Variants in KCNIP1 observed in about 807,000 individuals in gnomAD.
KCNIP1 encodes the protein potassium voltage-gated channel interacting protein 1, also known as A-type potassium channel modulatory protein KCNIP1.
A neutral mutation model predicts 33.0 loss-of-function variants in KCNIP1; 18 were observed. The ratio of observed to expected loss-of-function variants is 0.55; its 90% CI spans 0.38 to 0.81. The LOEUF (loss-of-function observed/expected upper bound fraction) is 0.81, where lower values mean the gene tolerates loss of function less well. KCNIP1 is among the 30% of genes least tolerant of loss of function. KCNIP1 has a pLI of 0.00. For synonymous variants in KCNIP1, 93 were observed against 98.3 expected, an observed-to-expected ratio of 0.95 and a Z score of 0.32; for missense variants, 238 against 271.6, an observed-to-expected ratio of 0.88 and a Z score of 0.87.
intron 1 of KCNIP1, among the ~76,000 whole-genome samples, chr5:170,444,966 A>C (rs1010412260): frequency 5.9e-5 from 9 of 152,206 alleles, no homozygotes; most frequent in African/African-American, 2.2e-4. Flanking sequence ...AGTCCACACA[A>C]ACCCTCGCTT....
At chr5:170,463,894 C>A (rs1021786785) in intron 1 of KCNIP1, among the ~76,000 whole-genome samples, 1 of 152,082 alleles carries the variant, frequency 6.6e-6, no homozygotes, top group Non-Finnish European at 1.5e-5. Flanking sequence ...CCGGATGATA[C>A]CACCTTATAT....
intron 1 of KCNIP1, chr5:170,483,122 C>G: frequency 2.2e-6 from 1 of 449,422 alleles, no homozygotes; most frequent in Non-Finnish European, 4.5e-6. Flanking sequence ...CGTGTGTGCA[C>G]CTGCAGGCTG....
At chr5:170,623,158 G>C (rs2113648358) in intron 1 of KCNIP1, among the ~76,000 whole-genome samples, 1 of 152,248 alleles carries the variant, frequency 6.6e-6, no homozygotes, top group African/African-American at 2.4e-5. Context: ...TGCAGCCGGG[G>C]TCCTAACAGG....
chr5:170,693,196 G>T (rs781777919), intron 1 of KCNIP1, among the ~76,000 whole-genome samples: 2 of 152,024 alleles, frequency 1.3e-5, no homozygotes, highest in Non-Finnish European at 2.9e-5. Flanking sequence ...ACCCCCTCCC[G>T]CTGGTCAGTG....
Position 170,706,583 on chromosome 5 carries a change from T to C in KCNIP1, c.62-12175T>C, listed in dbSNP as rs1581525536. Among the ~76,000 whole-genome samples, 4 of 152,344 alleles carry C rather than the reference T, an allele frequency of 2.6e-5. No homozygotes were observed. In the South Asian group the frequency reaches 8.3e-4, roughly 32 times the overall value. ...TTATCTGCAGAGCAATGAACTCCTC[T>C]TCTTCAGAAAGCAGGCTGAAAGATA... On this transcript the variant is annotated intron_variant, in intron 1 of 7. Coordinates refer to ENST00000328939, the MANE Select transcript of KCNIP1 (RefSeq NM_014592.4).
At chr5:170,402,467 C>T (rs949156552) in intron 1 of KCNIP1, among the ~76,000 whole-genome samples, 4 of 152,138 alleles carry the variant, frequency 2.6e-5, no homozygotes, top group African/African-American at 9.7e-5. Flanking sequence ...GGGAGGCTGT[C>T]CTCTAGGTGG....
intron 1 of KCNIP1, among the ~76,000 whole-genome samples, chr5:170,643,258 C>T (rs1239681638): frequency 6.6e-6 from 1 of 152,230 alleles, no homozygotes; most frequent in Non-Finnish European, 1.5e-5. Flanking sequence ...TGTGAGCTTC[C>T]CCAGGAAACC....
intron 1 of KCNIP1, among the ~76,000 whole-genome samples, chr5:170,432,104 G>A (rs540212074): frequency 3.3e-5 from 5 of 150,946 alleles, no homozygotes; most frequent in Admixed American, 2.0e-4. Flanking sequence ...GCAAGTTGCT[G>A]GTTTCTCTTT....
At position 170,720,261 on chromosome 5, in the gene KCNIP1, C is replaced by T. The variant is rs150056233; in HGVS notation, c.187-60C>T. 2.8e-5 allele frequency: 35 copies of T among 1,228,608 alleles called. No homozygotes were observed. The African/African-American group carries it at 3.9e-4, about 14-fold the overall frequency. 76.1% of individuals were successfully genotyped at this position (1,228,608 alleles called of 1,614,324 possible). A position where few individuals can be genotyped will look rare whatever the true frequency, so the allele number is the denominator to read the frequency against. ...GAACCCCAGACACCAAGGCTGGGCCCAGTCTTCTCCTAGTGCTGGCCCTCA... is the reference window on the plus strand; with the variant it reads ...GAACCCCAGACACCAAGGCTGGGCCTAGTCTTCTCCTAGTGCTGGCCCTCA... On this transcript the variant is annotated intron_variant, in intron 2 of 7. Coordinates refer to ENST00000328939, the MANE Select transcript of KCNIP1 (RefSeq NM_014592.4).
At chr5:170,438,845 G>A (rs1755925018) in intron 1 of KCNIP1, among the ~76,000 whole-genome samples, 1 of 152,148 alleles carries the variant, frequency 6.6e-6, no homozygotes, top group Non-Finnish European at 1.5e-5. Context: ...GGAGCACCCT[G>A]TACCGAGCGG....
At chr5:170,682,794 T>TC (rs1227231157) in intron 1 of KCNIP1, among the ~76,000 whole-genome samples, 5 of 134,148 alleles carry the variant, frequency 3.7e-5, no homozygotes, top group Admixed American at 2.3e-4. Context: ...CTTTTTTTTT[T>TC]TTTTTTTTTT....
intron 1 of KCNIP1, among the ~76,000 whole-genome samples, chr5:170,390,514 ACAAAT>A (rs1325469900): frequency 5.3e-5 from 4 of 75,178 alleles, no homozygotes; most frequent in South Asian, 4.7e-4. Flanking sequence ...AAAAAAAAAA[ACAAAT>A]ATATATATAT....
chr5:170,414,604 T>G (rs2113413309), intron 1 of KCNIP1, among the ~76,000 whole-genome samples: 1 of 152,358 alleles, frequency 6.6e-6, no homozygotes, highest in South Asian at 2.1e-4. Context: ...GCTGCCCAAT[T>G]CAAAATCATT....
intron 1 of KCNIP1, among the ~76,000 whole-genome samples, chr5:170,701,307 T>C (rs1763092541): frequency 6.6e-6 from 1 of 152,184 alleles, no homozygotes; most frequent in Non-Finnish European, 1.5e-5. Flanking sequence ...CTGATCCAAC[T>C]TAAGCTTTAT....
At chr5:170,516,607 G>A (rs1476589738) in intron 1 of KCNIP1, among the ~76,000 whole-genome samples, 1 of 152,238 alleles carries the variant, frequency 6.6e-6, no homozygotes, top group Non-Finnish European at 1.5e-5. Flanking sequence ...GAACATCAAA[G>A]ATTGTGGCTT....
intron 1 of KCNIP1, among the ~76,000 whole-genome samples, chr5:170,631,545 T>C (rs1760051192): frequency 6.6e-6 from 1 of 152,234 alleles, no homozygotes; most frequent in African/African-American, 2.4e-5. Flanking sequence ...AATGGAATTT[T>C]AGAAACACAC....
chr5:170,568,186 C>T (rs905268698), intron 1 of KCNIP1, among the ~76,000 whole-genome samples: 2 of 152,168 alleles, frequency 1.3e-5, no homozygotes, highest in Non-Finnish European at 2.9e-5. Context: ...ATTGCTGGAA[C>T]ATAATTCCCT....
At chr5:170,642,331 A>G (rs530109021) in intron 1 of KCNIP1, among the ~76,000 whole-genome samples, 2 of 152,134 alleles carry the variant, frequency 1.3e-5, no homozygotes, top group Admixed American at 1.3e-4. Context: ...AAGGCAAAGG[A>G]GAGGGAGTTG....
chr5:170,382,940 CAAGG>C (rs60329523), intron 1 of KCNIP1: 36,070 of 130,888 alleles, frequency 0.28, 4,563 homozygotes, highest in South Asian at 0.36. Context: ...AAGAAGGAAA[CAAGG>C]AAGGAAGGAA....
Sources: allele counts gnomAD v4.1 joint callset (sites outside exome capture counted in the v4.1 genomes callset), GRCh38; gene constraint gnomAD v4.1.1; transcripts MANE v1.5; gene names NCBI Gene and HGNC (gene_info 2026-07-23, HGNC 2026-07-21).